The following DLG2 variants were observed in gnomAD, a reference collection of about 807,000 sequenced individuals.
The protein encoded by DLG2 is discs large MAGUK scaffold protein 2.
DLG2 carries 45 observed loss-of-function variants against 132.5 expected under a neutral mutation model. That is an observed-to-expected ratio of 0.34 (90% CI 0.27 to 0.44). DLG2 has a LOEUF of 0.44. Among genes scored for constraint, DLG2 ranks in the 20% least tolerant of loss-of-function variants. The pLI, the probability that DLG2 is intolerant of heterozygous loss-of-function variation, is 1.00. For synonymous variants in DLG2, 424 were observed against 419.6 expected (o/e 1.01, Z -0.13); for missense variants, 1,045 against 1,196.9 (o/e 0.87, Z 1.87).
At chr11:85,248,824 T>C (rs572646783) in intron 4 of DLG2, among the ~76,000 whole-genome samples, 23 of 152,186 alleles carry the variant, frequency 1.5e-4, no homozygotes, top group African/African-American at 4.8e-4. Flanking sequence ...TATGGCCTCA[T>C]GAAGGGCTTA....
chr11:84,146,301 T>G (rs1212565191), intron 9 of DLG2, among the ~76,000 whole-genome samples: 1 of 152,202 alleles, frequency 6.6e-6, no homozygotes, highest in East Asian at 1.9e-4. Flanking sequence ...AGAAAAGGTC[T>G]AAATAATAAT....
chr11:85,049,692 C>T (rs1182485702), intron 6 of DLG2, among the ~76,000 whole-genome samples: 4 of 151,934 alleles, frequency 2.6e-5, no homozygotes, highest in South Asian at 4.1e-4. Context: ...AAATATAAAC[C>T]GGGACGTAAG....
chr11:85,192,991 G>A (rs1012185596), intron 4 of DLG2, among the ~76,000 whole-genome samples: 6 of 152,078 alleles, frequency 3.9e-5, no homozygotes, highest in African/African-American at 1.2e-4. Context: ...GTACAACTTC[G>A]TGGCTTTCAG....
At chr11:83,949,309 T>C (rs2084826249) in intron 14 of DLG2, among the ~76,000 whole-genome samples, 1 of 152,170 alleles carries the variant, frequency 6.6e-6, no homozygotes, top group Admixed American at 6.5e-5. Context: ...TACCATGTTG[T>C]ATGTGATAAC....
rs148530049 is a variant in DLG2, at chr11:84,178,436, C to A, written c.574-14925G>T. 9.9e-5 allele frequency among the ~76,000 whole-genome samples: 15 copies of A among 152,200 alleles called. No homozygotes were observed. In the East Asian group the frequency reaches 2.9e-3, roughly 29 times the overall value. On this transcript the variant is annotated intron_variant, in intron 8 of 27. Transcript: ENST00000376104. ...AGTGCATATGAAAGGTCGTGAGTAT[C>A]CTCAAGAGACTACAGAAGGTCCTAG...
intron 5 of DLG2, among the ~76,000 whole-genome samples, chr11:85,122,512 G>T (rs2074441262): frequency 6.6e-6 from 1 of 152,124 alleles, no homozygotes; most frequent in Non-Finnish European, 1.5e-5. Context: ...AGGCAGTTAG[G>T]CAAGGGATAC....
At chr11:84,301,651 CAAAAAAAAAAA>C (rs753899806) in intron 7 of DLG2, among the ~76,000 whole-genome samples, 16 of 26,596 alleles carry the variant, frequency 6.0e-4, no homozygotes, top group Non-Finnish European at 8.8e-4. Flanking sequence ...AGGCGAGACT[CAAAAAAAAAAA>C]AAAAAAAAAA....
intron 6 of DLG2, among the ~76,000 whole-genome samples, chr11:84,885,358 G>A (rs2088081388): frequency 6.6e-6 from 1 of 151,994 alleles, no homozygotes; most frequent in African/African-American, 2.4e-5. Context: ...TTAAGAGATG[G>A]GGTCTTGCTC....
chr11:85,360,940 A>C (rs767873890), intron 3 of DLG2, among the ~76,000 whole-genome samples: 8 of 152,188 alleles, frequency 5.3e-5, no homozygotes, highest in Non-Finnish European at 1.2e-4. Flanking sequence ...AATAGCAAAA[A>C]TACCTTACAT....
At chr11:83,873,911 T>C (rs947188824) in intron 16 of DLG2, among the ~76,000 whole-genome samples, 2 of 152,184 alleles carry the variant, frequency 1.3e-5, no homozygotes, top group African/African-American at 4.8e-5. Flanking sequence ...ATATCTCCTA[T>C]AGAGTGTAAT....
intron 3 of DLG2, among the ~76,000 whole-genome samples, chr11:85,357,623 GCC>G (rs1375981082): frequency 7.1e-6 from 1 of 140,764 alleles, no homozygotes; most frequent in East Asian, 2.1e-4. Context: ...TTATTATTCA[GCC>G]AAAGGTTATC....
intron 17 of DLG2, among the ~76,000 whole-genome samples, chr11:83,799,791 T>C (rs1318676822): frequency 6.6e-6 from 1 of 152,186 alleles, no homozygotes; most frequent in African/African-American, 2.4e-5. Flanking sequence ...CTGTTGGATA[T>C]CTACAGTTTT....
At chr11:85,472,629 T>C (rs1169846851) in intron 3 of DLG2, among the ~76,000 whole-genome samples, 3 of 152,154 alleles carry the variant, frequency 2.0e-5, no homozygotes, top group Non-Finnish European at 4.4e-5. Flanking sequence ...CAAAATTTTC[T>C]CCACCTTGCT....
At chr11:84,026,379 G>A (rs922403804) in intron 11 of DLG2, among the ~76,000 whole-genome samples, 1 of 152,076 alleles carries the variant, frequency 6.6e-6, no homozygotes, top group African/African-American at 2.4e-5. Flanking sequence ...AAGGTAGTTA[G>A]TATAATACAA....
chr11:83,490,672 T>G (rs1023998099), intron 21 of DLG2, among the ~76,000 whole-genome samples: 1 of 151,906 alleles, frequency 6.6e-6, no homozygotes, highest in African/African-American at 2.4e-5. Flanking sequence ...ATCGCCAAAT[T>G]GTGGGACAAC....
chr11:84,156,464 T>C (rs2095431512), intron 9 of DLG2, among the ~76,000 whole-genome samples: 1 of 152,196 alleles, frequency 6.6e-6, no homozygotes, highest in South Asian at 2.1e-4. Context: ...AAAATGACTA[T>C]CAGCTACCTT....
chr11:83,518,073 C>A (rs1180047632), intron 21 of DLG2, among the ~76,000 whole-genome samples: 4 of 152,220 alleles, frequency 2.6e-5, no homozygotes, highest in African/African-American at 9.6e-5. Flanking sequence ...TTTAAGTCTG[C>A]AGAGGTTTCT....
intron 7 of DLG2, among the ~76,000 whole-genome samples, chr11:84,283,016 T>C (rs2097867982): frequency 6.6e-6 from 1 of 152,198 alleles, no homozygotes; most frequent in African/African-American, 2.4e-5. Context: ...AAGTATGTAC[T>C]ATGTCATATA....
rs145766201 is a variant in DLG2, at chr11:85,052,695, C to G, written c.357+58966G>C. Among the ~76,000 whole-genome samples the G allele has an allele frequency of 2.4e-3, 364 of 152,246 alleles. 5 individuals carry two copies. Among genetic ancestry groups the G allele is most frequent in the Admixed American group, 7.3e-3 (111 of 15,278 alleles). ...CAAAGGAAACATCTTTGTATCTTTACCTTGTGTTGCTATGCACAATTTTAA... is the reference window on the plus strand; with the variant it reads ...CAAAGGAAACATCTTTGTATCTTTAGCTTGTGTTGCTATGCACAATTTTAA... On this transcript the variant is annotated intron_variant, in intron 6 of 27. Transcript: ENST00000376104.
Sources: allele counts gnomAD v4.1 joint callset (sites outside exome capture counted in the v4.1 genomes callset), GRCh38; gene constraint gnomAD v4.1.1; transcripts MANE v1.5; gene names NCBI Gene and HGNC (gene_info 2026-07-23, HGNC 2026-07-21).